ZNF407: variants seen among roughly 807,000 people sequenced by gnomAD.
ZNF407 encodes zinc finger protein 407.
Under a neutral mutation model 131.2 loss-of-function variants are expected in ZNF407, and 17 were observed. That is an observed-to-expected ratio of 0.13 (90% CI 0.09 to 0.19). The LOEUF (loss-of-function observed/expected upper bound fraction) is 0.19. Among genes scored for constraint, ZNF407 ranks in the 10% least tolerant of loss-of-function variants. The pLI is 1.00. For missense variants in ZNF407, 2,681 were observed against 2,830.6 expected (o/e 0.95, Z 1.20); for synonymous variants, 1,156 against 1,062.0 (o/e 1.09, Z -1.72).
intron 8 of ZNF407, among the ~76,000 whole-genome samples, chr18:74,996,135 AG>A (rs1972777523): frequency 6.6e-6 from 1 of 152,232 alleles, no homozygotes; most frequent in South Asian, 2.1e-4. Context: ...TATGTTAATC[AG>A]CCCGCTGAAA....
At chr18:74,710,615 G>A (rs892749946) in intron 3 of ZNF407, among the ~76,000 whole-genome samples, 3 of 152,110 alleles carry the variant, frequency 2.0e-5, no homozygotes, top group African/African-American at 7.2e-5. Flanking sequence ...CTGTGGGATC[G>A]TCCACATCAC....
rs760068295 is a variant in ZNF407 at position 74,631,053 on chromosome 18, G to A, written c.34G>A (p.Glu12Lys). The A allele has an allele frequency of 1.7e-5, 28 of 1,610,688 alleles. No individual in the cohort carries two copies. The South Asian group carries it at 2.0e-4, about 11-fold the overall frequency. Reference protein sequence around the residue: ...MDSENKPENDEDEKINKEAQD... With the variant: ...MDSENKPENDKDEKINKEAQD... ...TAGTGAGAATAAACCCGAAAATGAT[G>A]AGGATGAAAAGATAAACAAAGAAGC... The change falls in exon 2 of 9, where the codon GAG becomes AAG. Residue 12 changes from glutamate to lysine, a missense_variant. Physicochemically the swap from Glu to Lys is moderately conservative, Grantham distance 56. Coordinates refer to ENST00000299687, the MANE Select transcript of ZNF407 (RefSeq NM_017757.3).
At chr18:74,985,405 A>G (rs1399641290) in intron 8 of ZNF407, among the ~76,000 whole-genome samples, 3 of 152,234 alleles carry the variant, frequency 2.0e-5, no homozygotes, top group African/African-American at 7.2e-5. Flanking sequence ...TGTCGTTGAC[A>G]TGAGGAAAGT....
intron 3 of ZNF407, among the ~76,000 whole-genome samples, chr18:74,770,776 C>G (rs1969344909): frequency 6.6e-6 from 1 of 152,020 alleles, no homozygotes; most frequent in Non-Finnish European, 1.5e-5. Context: ...CAAATAAGCT[C>G]TCAGATTCTT....
chr18:74,867,649 G>T (rs753703242), intron 4 of ZNF407, among the ~76,000 whole-genome samples: 1 of 152,142 alleles, frequency 6.6e-6, no homozygotes, highest in South Asian at 2.1e-4. Context: ...TGAAACCATC[G>T]GGTTTATTAG....
chr18:74,879,498 T>TA (rs560693027), intron 5 of ZNF407, among the ~76,000 whole-genome samples: 3 of 152,118 alleles, frequency 2.0e-5, no homozygotes, highest in South Asian at 4.2e-4. Flanking sequence ...CTTGTGGGAT[T>TA]AAAAAAAATC....
chr18:74,819,473 A>G (rs1379338923), intron 4 of ZNF407, among the ~76,000 whole-genome samples: 1 of 152,204 alleles, frequency 6.6e-6, no homozygotes. Context: ...CAAGGCCTAC[A>G]TGATCACCCC....
At chr18:75,054,249 CAGTT>C (rs1973535753) in intron 8 of ZNF407, among the ~76,000 whole-genome samples, 1 of 152,366 alleles carries the variant, frequency 6.6e-6, no homozygotes, top group South Asian at 2.1e-4. Flanking sequence ...AAAATACTAA[CAGTT>C]AGTGTTTTAC....
chr18:74,719,389 A>G (rs62097632), intron 3 of ZNF407, among the ~76,000 whole-genome samples: 8 of 10,032 alleles, frequency 8.0e-4, no homozygotes, highest in Non-Finnish European at 9.8e-4. Context: ...TTGCTTGCTT[A>G]CTTACTTACT....
chr18:74,990,461 T>A lies in ZNF407; in HGVS notation c.5428+69769T>A, dbSNP rs1972705452. On this transcript the variant is annotated intron_variant, in intron 8 of 8. Transcript: ENST00000299687. ...CTTTGACACTCTTCTGATTCTGTTC[T>A]ATTTCTGCATGCTATTAAACAATTT... Among the ~76,000 whole-genome samples the A allele has an allele frequency of 3.3e-5, 5 of 152,380 alleles. No homozygotes were observed. In the South Asian group the frequency reaches 8.3e-4, roughly 25 times the overall value.
chr18:74,980,932 C>G (rs1204215254), intron 8 of ZNF407, among the ~76,000 whole-genome samples: 1 of 152,158 alleles, frequency 6.6e-6, no homozygotes. Flanking sequence ...TTTTTGCCAT[C>G]TACGATATCA....
chr18:75,011,930 A>T (rs550804401), intron 8 of ZNF407, among the ~76,000 whole-genome samples: 27 of 152,174 alleles, frequency 1.8e-4, no homozygotes, highest in Non-Finnish European at 3.2e-4. Context: ...TTAATAGCCT[A>T]GTAAAATTTA....
At chr18:74,957,851 C>A (rs370046771) in intron 8 of ZNF407, among the ~76,000 whole-genome samples, 1 of 152,146 alleles carries the variant, frequency 6.6e-6, no homozygotes, top group Non-Finnish European at 1.5e-5. Context: ...ACTCAACAAG[C>A]GGCAGCCCTC....
chr18:74,692,026 C>T lies in ZNF407; in HGVS notation c.4802+50904C>T, dbSNP rs140958696. ...GGAAGATCACCTGAGCCTGTGAAGT[C>T]GAGGCTGCAATGAGCTGTGGTTGCG... On this transcript the variant is annotated intron_variant, in intron 3 of 8. Coordinates refer to ENST00000299687, the MANE Select transcript of ZNF407 (RefSeq NM_017757.3). Among the ~76,000 whole-genome samples, 384 of 151,976 alleles carry T rather than the reference C, an allele frequency of 2.5e-3. 4 individuals are homozygous for T. Among genetic ancestry groups the T allele is most frequent in the African/African-American group, 8.4e-3 (350 of 41,454 alleles).
At chr18:74,708,846 C>T (rs1380635326) in intron 3 of ZNF407, among the ~76,000 whole-genome samples, 1 of 152,188 alleles carries the variant, frequency 6.6e-6, no homozygotes, top group Admixed American at 6.5e-5. Context: ...ATAAAGGGTG[C>T]CCAGATGTAC....
intron 3 of ZNF407, among the ~76,000 whole-genome samples, chr18:74,667,726 C>A (rs898827513): frequency 2.6e-5 from 4 of 152,096 alleles, no homozygotes; most frequent in Non-Finnish European, 4.4e-5. Flanking sequence ...GTGGTCAAAC[C>A]CTTTTATGAA....
At chr18:74,813,185 C>T (rs1173897069) in intron 4 of ZNF407, among the ~76,000 whole-genome samples, 1 of 152,110 alleles carries the variant, frequency 6.6e-6, no homozygotes, top group African/African-American at 2.4e-5. Context: ...CGCTGGCTTG[C>T]AGTTTTAGTA....
chr18:74,815,678 G>C (rs969037237), intron 4 of ZNF407, among the ~76,000 whole-genome samples: 6 of 152,030 alleles, frequency 3.9e-5, no homozygotes, highest in African/African-American at 1.5e-4. Flanking sequence ...TCAGTAACTT[G>C]CCTGAGTTCA....
At chr18:74,609,692 G>T (rs1395184593) in intron 1 of ZNF407, among the ~76,000 whole-genome samples, 2 of 152,166 alleles carry the variant, frequency 1.3e-5, no homozygotes, top group Non-Finnish European at 2.9e-5. Flanking sequence ...ACAAACGTGA[G>T]AAATGTGTTG....
Sources: gnomAD v4.1 joint callset for allele counts (sites outside exome capture counted in the v4.1 genomes callset) on GRCh38, gnomAD v4.1.1 for gene constraint, MANE v1.5 for transcripts, NCBI Gene and HGNC (gene_info 2026-07-23, HGNC 2026-07-21) for gene names.